Variants in CRYBA4 observed in about 807,000 individuals in gnomAD.
CRYBA4 encodes the protein beta-crystallin A4.
A neutral mutation model predicts 31.7 loss-of-function variants in CRYBA4; 30 were observed. That is an observed-to-expected ratio of 0.95 (90% CI 0.71 to 1.28). CRYBA4 has a LOEUF of 1.28. Ranked by LOEUF, CRYBA4 falls within the 50% of genes most tolerant of loss-of-function variation. The pLI is 0.00. For missense variants in CRYBA4, 225 were observed against 260.7 expected (o/e 0.86, Z 0.94); for synonymous variants, 102 against 102.3 (o/e 1.00, Z 0.02).
chr22:26,626,859 T>C (rs1602341055), intron 4 of CRYBA4, among the ~76,000 whole-genome samples: 3 of 152,214 alleles, frequency 2.0e-5, no homozygotes, highest in Admixed American at 2.0e-4. Flanking sequence ...ATATATCTTA[T>C]CTATATTGCA....
intron 3 of CRYBA4, among the ~76,000 whole-genome samples, chr22:26,624,513 C>T (rs879932822): frequency 3.9e-5 from 6 of 152,224 alleles, no homozygotes; most frequent in African/African-American, 9.6e-5. Flanking sequence ...CTTAATGCTA[C>T]ACCTGTGAGT....
At chr22:26,612,673 T>C in the CRYBA4 span, among the ~76,000 whole-genome samples, 2 of 152,232 alleles carry the variant, frequency 1.3e-5, no homozygotes, top group South Asian at 2.1e-4. Flanking sequence ...ATTCTGAAGC[T>C]AAGATCTGCG....
Position 26,624,764 on chromosome 22 carries a change from A to G in CRYBA4, c.159-717A>G, listed in dbSNP as rs375155982. ...TGCAGCCTCCTGTGTCCCTTGTCCT[A>G]CTGGACGACACCAAAACAAAGGGGG... On this transcript the variant is annotated intron_variant, in intron 3 of 5. Transcript: ENST00000354760. Among the ~76,000 whole-genome samples, 253 of 152,352 alleles carry G rather than the reference A, an allele frequency of 1.7e-3. 2 individuals carry two copies. Among genetic ancestry groups the G allele is most frequent in the African/African-American group, 5.7e-3 (239 of 41,582 alleles).
the CRYBA4 span, among the ~76,000 whole-genome samples, chr22:26,610,063 CT>C: frequency 6.6e-6 from 1 of 152,192 alleles, no homozygotes; most frequent in African/African-American, 2.4e-5. Context: ...CCAAGTCCCC[CT>C]AAAATCTCCC....
At chr22:26,625,444 A>T (rs536050506) in intron 3 of CRYBA4, 37 bp from the exon 4 acceptor site, 80 of 1,610,242 alleles carry the variant, frequency 5.0e-5, no homozygotes, top group Non-Finnish European at 6.5e-5. Flanking sequence ...GGTGAGGGGG[A>T]CGCTTACCTC....
chr22:26,591,059 T>C, the CRYBA4 span, among the ~76,000 whole-genome samples: 1 of 152,222 alleles, frequency 6.6e-6, no homozygotes, highest in African/African-American at 2.4e-5. Context: ...ATTTGCCATA[T>C]GTATATATTA....
the CRYBA4 span, chr22:26,616,059 AGAGGAGGAGGAGAAGAAG>A: frequency 9.2e-7 from 1 of 1,091,350 alleles, no homozygotes; most frequent in African/African-American, 1.5e-5. Context: ...TGAAAGAGGA[AGAGGAGGAGGAGAAGAAG>A]GAGGAGGAGG....
the CRYBA4 span, among the ~76,000 whole-genome samples, chr22:26,614,530 G>A: frequency 1.7e-3 from 252 of 152,236 alleles, 2 homozygotes; most frequent in Non-Finnish European, 2.1e-3. Context: ...CACTGAAATC[G>A]TGCTTAGCAG....
At chr22:26,623,765 T>TA (rs11389946) in intron 3 of CRYBA4, among the ~76,000 whole-genome samples, 92,626 of 148,372 alleles carry the variant, frequency 0.62, 28,935 homozygotes, top group Middle Eastern at 0.69. Context: ...TCATTTTTTG[T>TA]AAAAAAAAAA....
At chr22:26,618,594 C>T (rs1443853748), upstream of CRYBA4, among the ~76,000 whole-genome samples, 1 of 152,200 alleles carries the variant, frequency 6.6e-6, no homozygotes, top group Non-Finnish European at 1.5e-5. Context: ...CGGTCAGTCC[C>T]CGGGACAATC....
intron 4 of CRYBA4, among the ~76,000 whole-genome samples, chr22:26,627,408 C>CTT (rs1166074064): frequency 2.5e-5 from 2 of 79,236 alleles, no homozygotes; most frequent in African/African-American, 7.8e-5. Flanking sequence ...TTCTTTCTTT[C>CTT]TTTCTTTCTT....
At chr22:26,622,705 A>AG in intron 2 of CRYBA4, 70 bp downstream of exon 2, 3 of 1,168,906 alleles carry the variant, frequency 2.6e-6, no homozygotes, top group Non-Finnish European at 3.9e-6. Flanking sequence ...GAATCCTAGG[A>AG]GGGGGGCATT....
At chr22:26,607,748 ATCCACGG>A in the CRYBA4 span, 1 of 1,115,862 alleles carries the variant, frequency 9.0e-7, no homozygotes, top group African/African-American at 1.5e-5. Context: ...GAGCTCAAGA[ATCCACGG>A]TCCTTTGACA....
chr22:26,613,918 TG>T, the CRYBA4 span, among the ~76,000 whole-genome samples: 2 of 152,316 alleles, frequency 1.3e-5, no homozygotes, highest in Admixed American at 6.5e-5. Flanking sequence ...AATGCGCACC[TG>T]GGGTTAGGTC....
Position 26,625,474 on chromosome 22 carries a change from T to C in CRYBA4, c.159-7T>C, listed in dbSNP as rs751860739. ...TACCTCCTGCACACTCTACCCTCTG[T>C]CTGCAGGTGGGTGGGCTTTGAGCAT... On this transcript the variant is annotated splice_polypyrimidine_tract_variant and splice_region_variant and intron_variant, in intron 3 of 5. Transcript: ENST00000354760. 1.2e-6 allele frequency: 2 copies of C among 1,613,616 alleles called. No homozygotes were observed. Among genetic ancestry groups the C allele is most frequent in the South Asian group, 1.1e-5 (1 of 91,072 alleles).
At chr22:26,611,968 C>T in the CRYBA4 span, 17 of 835,612 alleles carry the variant, frequency 2.0e-5, no homozygotes, top group Middle Eastern at 2.7e-4. Flanking sequence ...GCCAGGAGTA[C>T]GAACGGCCGC....
chr22:26,614,757 G>A, the CRYBA4 span, among the ~76,000 whole-genome samples: 1 of 152,116 alleles, frequency 6.6e-6, no homozygotes, highest in Non-Finnish European at 1.5e-5. Flanking sequence ...TTGGGGAGGC[G>A]GAGGCTAGGA....
upstream of CRYBA4, among the ~76,000 whole-genome samples, chr22:26,618,318 G>A (rs1010825282): frequency 1.3e-5 from 2 of 152,202 alleles, no homozygotes; most frequent in African/African-American, 4.8e-5. Flanking sequence ...CCAACATGGG[G>A]CAGGGAAAAG....
chr22:26,625,081 C>T lies in CRYBA4; in HGVS notation c.159-400C>T, dbSNP rs546333205. Among the ~76,000 whole-genome samples the T allele has an allele frequency of 2.0e-5, 3 of 152,354 alleles. No individual in the cohort carries two copies. The South Asian group carries it at 6.2e-4, about 32-fold the overall frequency. On this transcript the variant is annotated intron_variant, in intron 3 of 5. Transcript: ENST00000354760. The stretch of plus-strand genomic sequence containing the variant: ...GATCAGTCTGTGATCAGCTTTGCCT[C>T]CTTGGCCTCTGTGGACACGGACGGA...
Sources: allele counts gnomAD v4.1 joint callset (sites outside exome capture counted in the v4.1 genomes callset), GRCh38; gene constraint gnomAD v4.1.1; transcripts MANE v1.5; gene names NCBI Gene and HGNC (gene_info 2026-07-23, HGNC 2026-07-21).